The following DYSF variants were observed in gnomAD, a reference collection of about 807,000 sequenced individuals.
DYSF encodes dystrophy-associated fer-1-like 1.
DYSF carries 212 observed loss-of-function variants against 274.9 expected under a neutral mutation model. The observed-to-expected ratio is 0.77, with a 90% confidence interval of 0.69 to 0.86. The LOEUF is 0.86. Among genes scored for constraint, DYSF ranks in the 40% least tolerant of loss-of-function variants. The pLI is 0.00. For synonymous variants in DYSF, 1,091 were observed against 1,078.7 expected (o/e 1.01, Z -0.22); for missense variants, 2,666 against 2,783.2 (o/e 0.96, Z 0.95).
chr2:71,576,689 G>A (rs892499344), intron 30 of DYSF, among the ~76,000 whole-genome samples: 3 of 152,208 alleles, frequency 2.0e-5, no homozygotes, highest in African/African-American at 4.8e-5. Flanking sequence ...AGGCTGGAGC[G>A]GGGAGCCGAG....
intron 1 of DYSF, among the ~76,000 whole-genome samples, chr2:71,475,402 G>A (rs1253200763): frequency 3.9e-5 from 6 of 152,292 alleles, no homozygotes; most frequent in East Asian, 1.9e-4. Context: ...GGTGTTTGCC[G>A]CCAGAAACTC....
rs1203930611 is a variant in DYSF at position 71,571,592 on chromosome 2, GCACACACAGCTCACACCCAGCA to G, written c.3228+861_3228+882del. 4.9e-5 allele frequency among the ~76,000 whole-genome samples: 5 copies of G among 101,436 alleles called. No homozygotes were observed. The East Asian group carries it at 9.8e-4, about 20-fold the overall frequency. The allele number at this position is 101,436 out of a possible 152,430, so 66.5% of individuals were successfully genotyped here. A position where few individuals can be genotyped will look rare whatever the true frequency, so the allele number is the denominator to read the frequency against. ...ACCCACCACACACAGATCACACCCA[GCACACACAGCTCACACCCAGCA>G]CACACACAGATCACACCCAGCACAT... is the stretch of plus-strand genomic sequence containing the variant. On this transcript the variant is annotated intron_variant, in intron 29 of 55. Coordinates refer to ENST00000410020, the MANE Select transcript of DYSF (RefSeq NM_001130987.2).
chr2:71,484,339 C>T (rs1188808235), intron 3 of DYSF, among the ~76,000 whole-genome samples: 1 of 152,080 alleles, frequency 6.6e-6, no homozygotes, highest in Non-Finnish European at 1.5e-5. Context: ...AGGCATGAGC[C>T]ACCATGCCTG....
intron 1 of DYSF, among the ~76,000 whole-genome samples, chr2:71,469,411 T>G (rs1017645510): frequency 5.3e-5 from 8 of 151,436 alleles, no homozygotes; most frequent in Non-Finnish European, 1.0e-4. Context: ...GGCATAGGTG[T>G]TGTTTCTGTC....
At chr2:71,611,936 C>A (rs1307316701) in intron 38 of DYSF, among the ~76,000 whole-genome samples, 1 of 152,058 alleles carries the variant, frequency 6.6e-6, no homozygotes. Context: ...CCCTTGGGGA[C>A]CTGCTAGGGC....
Position 71,520,064 on chromosome 2 carries a change from G to A in DYSF, c.1003-114G>A. 4 of 1,253,492 alleles carry A rather than the reference G, an allele frequency of 3.2e-6. No homozygotes were observed. The South Asian group carries it at 3.6e-5, about 11-fold the overall frequency. 77.6% of individuals were successfully genotyped at this position (1,253,492 alleles called of 1,614,324 possible). On this transcript the variant is annotated intron_variant, in intron 10 of 55. Coordinates refer to ENST00000410020, the MANE Select transcript of DYSF (RefSeq NM_001130987.2). The stretch of plus-strand genomic sequence containing the variant: ...GTAGTATCAAATGTTGACTGCCTGT[G>A]TTTCCAAATGTTCTTCAAAAACATG...
Position 71,553,943 on chromosome 2 carries a change from C to T in DYSF, c.2109+12C>T. ...TTGCTGACCGGCTGGTGAGTGAAAA[C>T]TTGCCCAAAGCTGCACATGCCTATG... On this transcript the variant is annotated intron_variant, in intron 21 of 55. Coordinates refer to ENST00000410020, the MANE Select transcript of DYSF (RefSeq NM_001130987.2). 1.9e-6 allele frequency: 3 copies of T among 1,614,130 alleles called. No individual in the cohort carries two copies. Among genetic ancestry groups the T allele is most frequent in the Non-Finnish European group, 2.5e-6 (3 of 1,180,020 alleles).
chr2:71,510,780 G>T (rs2086011197), intron 4 of DYSF, among the ~76,000 whole-genome samples: 1 of 152,212 alleles, frequency 6.6e-6, no homozygotes, highest in African/African-American at 2.4e-5. Flanking sequence ...TTTATAAAGG[G>T]TTTGTCAAAA....
chr2:71,678,706 TAA>T (rs1367184881), intron 52 of DYSF, among the ~76,000 whole-genome samples: 1 of 151,990 alleles, frequency 6.6e-6, no homozygotes, highest in South Asian at 2.1e-4. Context: ...TTTACCATGA[TAA>T]AAATAATTAA....
chr2:71,472,324 TC>T (rs2082090228), intron 1 of DYSF, among the ~76,000 whole-genome samples: 1 of 152,218 alleles, frequency 6.6e-6, no homozygotes, highest in Non-Finnish European at 1.5e-5. Flanking sequence ...ATCAACTTTA[TC>T]CTCCTGTCAG....
chr2:71,516,966 GT>G (rs756335217), intron 9 of DYSF, 22 bp from the exon 10 acceptor site: 4 of 1,613,764 alleles, frequency 2.5e-6, no homozygotes, highest in Non-Finnish European at 3.4e-6. Flanking sequence ...GTGAATGTGA[GT>G]TTCCATGATC....
intron 3 of DYSF, among the ~76,000 whole-genome samples, chr2:71,491,530 C>T (rs1273540308): frequency 3.3e-5 from 5 of 152,294 alleles, no homozygotes; most frequent in Admixed American, 2.6e-4. Flanking sequence ...AAGCCTAGGA[C>T]CCATTGGTTA....
intron 46 of DYSF, 111 bp from the exon 47 acceptor site, chr2:71,665,051 A>C: frequency 6.4e-7 from 1 of 1,559,534 alleles, no homozygotes; most frequent in East Asian, 2.2e-5. Flanking sequence ...CCCACTGTAA[A>C]AGCAAGGAGT....
At chr2:71,536,412 C>T (rs963408294) in intron 16 of DYSF, among the ~76,000 whole-genome samples, 5 of 152,224 alleles carry the variant, frequency 3.3e-5, no homozygotes, top group Non-Finnish European at 2.9e-5. Flanking sequence ...AGGGAGAGGC[C>T]GCAAGGGCAG....
At chr2:71,665,453 A>G (rs1244144975) in intron 47 of DYSF, 149 bp downstream of exon 47, 2 of 962,354 alleles carry the variant, frequency 2.1e-6, no homozygotes, top group Admixed American at 2.0e-5. Flanking sequence ...GATGGGCTCC[A>G]CTTGCACTTG....
At chr2:71,685,571 G>A (rs926106225) in intron 55 of DYSF, among the ~76,000 whole-genome samples, 6 of 152,208 alleles carry the variant, frequency 3.9e-5, no homozygotes, top group Admixed American at 3.3e-4. Flanking sequence ...TAGTGGAGAG[G>A]GGCCCAAGGA....
At chr2:71,495,001 G>T (rs1657528536) in intron 3 of DYSF, among the ~76,000 whole-genome samples, 1 of 152,228 alleles carries the variant, frequency 6.6e-6, no homozygotes, top group Non-Finnish European at 1.5e-5. Flanking sequence ...ATGGGAATGT[G>T]CAGAGAAGCA....
chr2:71,455,184 G>A (rs1003081938), intron 1 of DYSF, among the ~76,000 whole-genome samples: 10 of 152,180 alleles, frequency 6.6e-5, no homozygotes, highest in African/African-American at 2.4e-4. Flanking sequence ...GGAGCGTGTG[G>A]GACACCTGTG....
Position 71,511,892 on chromosome 2 carries a change from C to T in DYSF, c.431C>T (p.Pro144Leu), listed in dbSNP as rs139654844. Residue 144 changes from proline (P) to leucine (L), a missense_variant, in exon 5 of 56, where the codon CCG (proline) becomes CTG (leucine). Coordinates refer to ENST00000410020, the MANE Select transcript of DYSF (RefSeq NM_001130987.2). Reference protein sequence around the residue: ...FPPPTPLEPSPTLPDLDVVAG... With the variant: ...FPPPTPLEPSLTLPDLDVVAG... ...CCCCCTACTCCTCTGGAGCCCTCCC[C>T]GACTCTGCCTGACCTGGATGTAGTG... 2.1e-5 allele frequency: 32 copies of T among 1,551,284 alleles called. No individual in the cohort carries two copies. The Middle Eastern group carries it at 5.1e-4, about 25-fold the overall frequency.
Sources: gnomAD v4.1 joint callset for allele counts (sites outside exome capture counted in the v4.1 genomes callset) on GRCh38, gnomAD v4.1.1 for gene constraint, MANE v1.5 for transcripts, NCBI Gene and HGNC (gene_info 2026-07-23, HGNC 2026-07-21) for gene names.